NAV3: variants seen among roughly 807,000 people sequenced by gnomAD.
NAV3 encodes the protein pore membrane and/or filament interacting like protein 1.
NAV3 carries 87 observed loss-of-function variants against 244.7 expected under a neutral mutation model. That is an observed-to-expected ratio of 0.36 (90% CI 0.30 to 0.42). The LOEUF is 0.42. NAV3 is among the 20% of genes least tolerant of loss of function. The pLI is 1.00. For synonymous variants in NAV3, 1,126 were observed against 1,042.2 expected (o/e 1.08, Z -1.55); for missense variants, 2,663 against 2,893.3 (o/e 0.92, Z 1.83).
intron 20 of NAV3, among the ~76,000 whole-genome samples, chr12:78,141,879 G>C (rs1388157164): frequency 6.6e-6 from 1 of 152,052 alleles, no homozygotes. Context: ...TTACATCTAT[G>C]TGTAACATCA....
intron 2 of NAV3, among the ~76,000 whole-genome samples, chr12:77,641,883 A>G (rs1411684879): frequency 6.6e-6 from 1 of 152,110 alleles, no homozygotes; most frequent in Non-Finnish European, 1.5e-5. Flanking sequence ...GGAAAGCAAC[A>G]CCCAACCAAG....
chr12:77,836,848 G>C (rs191304992), intron 1 of NAV3, among the ~76,000 whole-genome samples: 18 of 152,256 alleles, frequency 1.2e-4, no homozygotes, highest in Non-Finnish European at 2.2e-4. Flanking sequence ...TATTCAAAGA[G>C]TAGAGGCGTT....
At chr12:78,167,277 G>T (rs1042062589) in intron 23 of NAV3, among the ~76,000 whole-genome samples, 6 of 151,522 alleles carry the variant, frequency 4.0e-5, no homozygotes, top group Admixed American at 2.0e-4. Context: ...AAATATAGTC[G>T]AAATGAATTG....
At chr12:77,777,840 T>C (rs1870445133) in intron 2 of NAV3, among the ~76,000 whole-genome samples, 1 of 151,752 alleles carries the variant, frequency 6.6e-6, no homozygotes. Flanking sequence ...GGAGTCTTGC[T>C]CTGTCACCAG....
intron 2 of NAV3, among the ~76,000 whole-genome samples, chr12:77,724,003 T>A (rs1299562129): frequency 6.6e-6 from 1 of 151,902 alleles, no homozygotes; most frequent in Non-Finnish European, 1.5e-5. Context: ...TAATTTTAAA[T>A]GCCAAATAAA....
intron 2 of NAV3, among the ~76,000 whole-genome samples, chr12:77,782,490 T>C (rs1015659469): frequency 5.3e-5 from 8 of 151,934 alleles, no homozygotes; most frequent in Admixed American, 5.2e-4. Context: ...AAAAACTTGC[T>C]TCATGAATTA....
intron 8 of NAV3, among the ~76,000 whole-genome samples, chr12:78,013,901 G>A (rs1875740601): frequency 6.6e-6 from 1 of 151,674 alleles, no homozygotes; most frequent in Non-Finnish European, 1.5e-5. Flanking sequence ...TTTTTTTATT[G>A]TTCCTCTTCT....
chr12:77,666,922 C>A (rs1033197036), intron 2 of NAV3, among the ~76,000 whole-genome samples: 5 of 152,062 alleles, frequency 3.3e-5, no homozygotes, highest in African/African-American at 7.2e-5. Context: ...TAATGGCTAC[C>A]TTAAAATAAG....
intron 2 of NAV3, among the ~76,000 whole-genome samples, chr12:77,621,721 G>A (rs76916294): frequency 0.041 from 6,152 of 151,786 alleles, 153 homozygotes; most frequent in East Asian, 0.094. Flanking sequence ...CTTGCGATCC[G>A]CCCACCTCGG....
At chr12:78,045,399 G>T (rs541862285) in intron 9 of NAV3, among the ~76,000 whole-genome samples, 2 of 152,002 alleles carry the variant, frequency 1.3e-5, no homozygotes, top group Admixed American at 1.3e-4. Context: ...AAGTACAAGC[G>T]ATTCTCCTGC....
At chr12:78,079,282 C>A (rs190902965) in intron 12 of NAV3, among the ~76,000 whole-genome samples, 1 of 152,032 alleles carries the variant, frequency 6.6e-6, no homozygotes, top group East Asian at 1.9e-4. Context: ...TATAAAGACT[C>A]AGATTTATAG....
chr12:77,691,333 GT>G (rs1875010428), intron 2 of NAV3, among the ~76,000 whole-genome samples: 2 of 100,944 alleles, frequency 2.0e-5, no homozygotes, highest in African/African-American at 7.7e-5. Context: ...ATTTGTGTAT[GT>G]GTGTATATAT....
At chr12:77,954,283 GT>G in intron 3 of NAV3, among the ~76,000 whole-genome samples, 1 of 152,036 alleles carries the variant, frequency 6.6e-6, no homozygotes, top group Non-Finnish European at 1.5e-5. Flanking sequence ...CCCCTACTTT[GT>G]TTGTACCTGG....
chr12:77,814,248 A>C (rs558292627), intron 2 of NAV3, among the ~76,000 whole-genome samples: 8 of 151,030 alleles, frequency 5.3e-5, no homozygotes, highest in Non-Finnish European at 1.0e-4. Context: ...TATGTGGAGA[A>C]AAAAAAAAAC....
At chr12:77,823,740 G>A (rs1205497593) in intron 2 of NAV3, among the ~76,000 whole-genome samples, 1 of 152,060 alleles carries the variant, frequency 6.6e-6, no homozygotes, top group Non-Finnish European at 1.5e-5. Flanking sequence ...ATGTTAAAAA[G>A]CAATGTGACA....
At chr12:77,672,698 G>A (rs1033280874) in intron 2 of NAV3, among the ~76,000 whole-genome samples, 1 of 152,020 alleles carries the variant, frequency 6.6e-6, no homozygotes, top group Non-Finnish European at 1.5e-5. Flanking sequence ...TGGGAGTGGG[G>A]TGAGGGATAA....
intron 2 of NAV3, among the ~76,000 whole-genome samples, chr12:77,788,893 C>T (rs1401930786): frequency 5.9e-5 from 9 of 152,108 alleles, no homozygotes. Context: ...CCCTAGCTCC[C>T]CAAACTTATT....
chr12:78,079,478 T>C (rs551458846), intron 12 of NAV3, among the ~76,000 whole-genome samples: 1 of 152,350 alleles, frequency 6.6e-6, no homozygotes, highest in South Asian at 2.1e-4. Context: ...ATATTTTTTA[T>C]TTGGTATTTG....
intron 2 of NAV3, among the ~76,000 whole-genome samples, chr12:77,724,905 G>A (rs888501493): frequency 1.3e-5 from 2 of 151,960 alleles, no homozygotes; most frequent in African/African-American, 2.4e-5. Context: ...TTTCAAAAGT[G>A]AATTTACACT....
Sources: gnomAD v4.1 joint callset for allele counts (sites outside exome capture counted in the v4.1 genomes callset) on GRCh38, gnomAD v4.1.1 for gene constraint, MANE v1.5 for transcripts, NCBI Gene and HGNC (gene_info 2026-07-23, HGNC 2026-07-21) for gene names.